NUBPL: variants seen among roughly 807,000 people sequenced by gnomAD.
NUBPL encodes the protein NUBP iron-sulfur cluster assembly factor, mitochondrial.
In NUBPL, 31 loss-of-function variants were observed where a neutral mutation model predicts 45.7. The ratio of observed to expected loss-of-function variants is 0.68; its 90% CI spans 0.51 to 0.92. NUBPL has a LOEUF of 0.92. Ranked by LOEUF, NUBPL falls within the 40% of genes least tolerant of loss-of-function variation. NUBPL has a pLI of 0.00. For synonymous variants in NUBPL, 144 were observed against 140.9 expected, an observed-to-expected ratio of 1.02 and a Z score of -0.15; for missense variants, 401 against 398.7, an observed-to-expected ratio of 1.01 and a Z score of -0.05.
chr14:31,657,412 A>G (rs1234313237), intron 4 of NUBPL, among the ~76,000 whole-genome samples: 2 of 152,218 alleles, frequency 1.3e-5, no homozygotes, highest in African/African-American at 2.4e-5. Context: ...ATTTGTAAGT[A>G]TATTATCTTT....
intron 4 of NUBPL, among the ~76,000 whole-genome samples, chr14:31,641,854 C>A (rs1020339944): frequency 5.1e-4 from 78 of 152,218 alleles, no homozygotes; most frequent in African/African-American, 1.8e-3. Flanking sequence ...TACCTCATGT[C>A]CTTTTGACAA....
intron 2 of NUBPL, among the ~76,000 whole-genome samples, chr14:31,563,715 A>C (rs866737338): frequency 6.6e-6 from 1 of 152,232 alleles, no homozygotes; most frequent in Non-Finnish European, 1.5e-5. Flanking sequence ...GACTAATGCA[A>C]ATATGCTCAG....
intron 7 of NUBPL, among the ~76,000 whole-genome samples, chr14:31,815,384 T>G (rs930585274): frequency 2.0e-5 from 3 of 152,162 alleles, no homozygotes; most frequent in Non-Finnish European, 2.9e-5. Flanking sequence ...CACATTGATT[T>G]TGTATCCTGA....
intron 4 of NUBPL, among the ~76,000 whole-genome samples, chr14:31,635,177 T>G (rs961720103): frequency 2.6e-5 from 4 of 151,426 alleles, no homozygotes; most frequent in Admixed American, 6.6e-5. Context: ...GCCTGTGTCC[T>G]GAATGGTAAT....
chr14:31,804,087 T>C (rs1447711984), intron 7 of NUBPL, among the ~76,000 whole-genome samples: 1 of 152,004 alleles, frequency 6.6e-6, no homozygotes, highest in African/African-American at 2.4e-5. Context: ...AGAAATAAAC[T>C]CTTTAGGGCT....
intron 6 of NUBPL, among the ~76,000 whole-genome samples, chr14:31,760,352 C>T (rs1024415939): frequency 2.6e-5 from 4 of 151,780 alleles, no homozygotes; most frequent in African/African-American, 9.7e-5. Flanking sequence ...TGGGGTTTTG[C>T]TGCGTTGCCA....
At chr14:31,721,616 T>G (rs2037809869) in intron 6 of NUBPL, among the ~76,000 whole-genome samples, 1 of 151,042 alleles carries the variant, frequency 6.6e-6, no homozygotes, top group Non-Finnish European at 1.5e-5. Flanking sequence ...CTAGTAACGT[T>G]TTTTTTTTTA....
chr14:31,644,450 G>T (rs149504179), intron 4 of NUBPL, among the ~76,000 whole-genome samples: 1 of 152,056 alleles, frequency 6.6e-6, no homozygotes, highest in Admixed American at 6.5e-5. Flanking sequence ...CCATCTGTTT[G>T]TGTATTTTTT....
intron 6 of NUBPL, among the ~76,000 whole-genome samples, chr14:31,764,640 A>G (rs1205382602): frequency 6.6e-6 from 1 of 152,252 alleles, no homozygotes; most frequent in East Asian, 1.9e-4. Flanking sequence ...AGGGCAGAAG[A>G]TTATTATGAG....
intron 4 of NUBPL, among the ~76,000 whole-genome samples, chr14:31,626,330 C>G (rs183805176): frequency 6.6e-6 from 1 of 152,022 alleles, no homozygotes; most frequent in African/African-American, 2.4e-5. Context: ...TTAGTAGAGA[C>G]GGGTTCACCA....
chr14:31,801,542 C>A (rs2039590464), intron 7 of NUBPL, among the ~76,000 whole-genome samples: 2 of 152,056 alleles, frequency 1.3e-5, no homozygotes, highest in Admixed American at 1.3e-4. Flanking sequence ...GATACTGTCA[C>A]AAAGCAAAAT....
At chr14:31,840,314 CT>C (rs1396816020) in intron 8 of NUBPL, among the ~76,000 whole-genome samples, 1 of 152,092 alleles carries the variant, frequency 6.6e-6, no homozygotes, top group African/African-American at 2.4e-5. Flanking sequence ...TGGCTCACAC[CT>C]GTAATCCCAG....
At chr14:31,825,644 C>CTCCTT (rs60248483) in intron 7 of NUBPL, among the ~76,000 whole-genome samples, 25 of 147,004 alleles carry the variant, frequency 1.7e-4, no homozygotes, top group African/African-American at 5.1e-4. Flanking sequence ...TCCCCTCTTT[C>CTCCTT]TCCTTTCCTT....
intron 6 of NUBPL, among the ~76,000 whole-genome samples, chr14:31,782,839 T>G (rs951390239): frequency 6.6e-6 from 1 of 152,198 alleles, no homozygotes; most frequent in Middle Eastern, 3.2e-3. Context: ...GAATTGCCTA[T>G]TGCATATCAG....
At chr14:31,629,174 G>A (rs2035281084) in intron 4 of NUBPL, among the ~76,000 whole-genome samples, 1 of 152,194 alleles carries the variant, frequency 6.6e-6, no homozygotes, top group Non-Finnish European at 1.5e-5. Context: ...AGAATTGCTT[G>A]TTTAATGGAA....
At chr14:31,654,120 A>G (rs8004616) in intron 4 of NUBPL, 35,673 of 453,938 alleles carry the variant, frequency 0.079, 7,379 homozygotes, top group African/African-American at 0.53. Flanking sequence ...ACAATAAAGC[A>G]AGTGTCTCAA....
At chr14:31,583,861 A>G (rs1390689865) in intron 3 of NUBPL, among the ~76,000 whole-genome samples, 1 of 152,190 alleles carries the variant, frequency 6.6e-6, no homozygotes, top group African/African-American at 2.4e-5. Flanking sequence ...GTGGAGAGGA[A>G]GGGCTCAAGG....
chr14:31,695,090 G>T (rs575220267), intron 6 of NUBPL, among the ~76,000 whole-genome samples: 2 of 152,308 alleles, frequency 1.3e-5, no homozygotes, highest in South Asian at 4.1e-4. Flanking sequence ...CATCAGGTTG[G>T]TAATAGTGTT....
At chr14:31,701,555 G>A (rs890424350) in intron 6 of NUBPL, among the ~76,000 whole-genome samples, 6 of 152,170 alleles carry the variant, frequency 3.9e-5, no homozygotes, top group Non-Finnish European at 5.9e-5. Flanking sequence ...GGTCCGCGCC[G>A]CCTTTATGAG....
Sources: gnomAD v4.1 joint callset for allele counts (sites outside exome capture counted in the v4.1 genomes callset) on GRCh38, gnomAD v4.1.1 for gene constraint, MANE v1.5 for transcripts, NCBI Gene and HGNC (gene_info 2026-07-23, HGNC 2026-07-21) for gene names.